The following HPS4 variants were observed in gnomAD, a reference collection of about 807,000 sequenced individuals.
The protein encoded by HPS4 is BLOC-3 complex member HPS4.
Under a neutral mutation model 70.3 loss-of-function variants are expected in HPS4, and 44 were observed. The ratio of observed to expected loss-of-function variants is 0.63; its 90% CI spans 0.49 to 0.80. The LOEUF is 0.80. HPS4 is among the 30% of genes least tolerant of loss of function. The probability of loss-of-function intolerance (pLI) is 0.00; values close to 1 mark genes in which losing one functional copy is unlikely to be tolerated. For synonymous variants in HPS4, 377 were observed against 355.9 expected (o/e 1.06, Z -0.67); for missense variants, 873 against 884.4 (o/e 0.99, Z 0.16).
rs112760297 is a variant in HPS4 at position 26,464,940 on chromosome 22, A to C, written c.804-114T>G. 2.0e-4 allele frequency: 196 copies of C among 968,654 alleles called. 1 individual carries two copies. The African/African-American group carries it at 2.9e-3, about 14-fold the overall frequency. The allele number at this position is 968,654 out of a possible 1,614,324, so 60.0% of individuals were successfully genotyped here. The stretch of plus-strand genomic sequence containing the variant: ...CAAGGACAAGGGGGTGCCTGAGGCC[A>C]CAGAGCCTAAGAGGCCACCAGAGTT... On this transcript the variant is annotated intron_variant, in intron 10 of 13. Transcript: ENST00000398145.
At chr22:26,445,190 T>C (rs531311107) in intron 3 of HPS4, among the ~76,000 whole-genome samples, 168 of 152,262 alleles carry the variant, frequency 1.1e-3, no homozygotes, top group Non-Finnish European at 1.8e-3. Flanking sequence ...ACAAACTAGC[T>C]GAGTGTGGTG....
At position 26,463,997 on chromosome 22, in the gene HPS4, T is replaced by A; in HGVS notation, c.1633A>T (p.Thr545Ser). Reference sequence around the variant, plus strand: ...AGCACCAGCCCTTTGACGCAGTGAGTGTAGAGATTCATCCTCACGAGCCCC... The same window carrying A: ...AGCACCAGCCCTTTGACGCAGTGAGAGTAGAGATTCATCCTCACGAGCCCC... ...CMGLVRMNLY[T>S]HCVKGLVLSL... Residue 545 changes from threonine to serine, a missense_variant, in exon 11 of 14, where the codon ACT becomes TCT. Physicochemically the swap from Thr to Ser is moderately conservative, Grantham distance 58 (BLOSUM62 1). Transcript: ENST00000398145. The A allele has an allele frequency of 6.2e-7, 1 of 1,614,172 alleles. No individual in the cohort carries two copies. Among genetic ancestry groups the A allele is most frequent in the Non-Finnish European group, 8.5e-7 (1 of 1,180,034 alleles).
Position 26,466,209 on chromosome 22 carries a change from T to G in HPS4, c.706+17A>C. The G allele has an allele frequency of 6.2e-7, 1 of 1,614,144 alleles. No homozygotes were observed. The highest frequency in any genetic ancestry group is 8.5e-7 in the Non-Finnish European group (1 of 1,179,972). ...GACCGCCGTTCTCAAGAGGCAACCA[T>G]GCGCCTCACTACTTACCATGTTCCT... On this transcript the variant is annotated intron_variant, in intron 9 of 13. Transcript: ENST00000398145.
At chr22:26,476,555 C>A in intron 4 of HPS4, 1 of 184,110 alleles carries the variant, frequency 5.4e-6, no homozygotes, top group Non-Finnish European at 1.1e-5. Context: ...ACTATGTTGC[C>A]CAGGCTGATA....
At chr22:26,462,380 G>C (rs2087481188) in intron 11 of HPS4, among the ~76,000 whole-genome samples, 1 of 152,224 alleles carries the variant, frequency 6.6e-6, no homozygotes, top group South Asian at 2.1e-4. Context: ...TGGGGGGACA[G>C]AGAGGCTGGG....
chr22:26,449,722 T>A (rs2085078758), downstream of HPS4, among the ~76,000 whole-genome samples: 1 of 152,134 alleles, frequency 6.6e-6, no homozygotes, highest in Non-Finnish European at 1.5e-5. Context: ...GCTCTGTGGC[T>A]CGGCGCTACT....
chr22:26,452,204 AACAAT>A lies in HPS4; in HGVS notation c.*1024_*1028del, dbSNP rs886057313. ...ATCAGTTCACTGACATGAAATTATT[AACAAT>A]ACAACTCTCAAATGGAATCTCAAGT... On this transcript the variant is annotated 3_prime_UTR_variant, in exon 14 of 14. Transcript: ENST00000398145. The A allele has an allele frequency of 6.9e-5, 23 of 334,546 alleles. No individual in the cohort carries two copies. The highest frequency in any genetic ancestry group is 4.5e-4 in the Middle Eastern group (1 of 2,246). 20.7% of individuals were successfully genotyped at this position (334,546 alleles called of 1,614,324 possible).
chr22:26,467,355 C>T (rs2088851634), intron 8 of HPS4: 1 of 152,196 alleles, frequency 6.6e-6, no homozygotes, highest in Non-Finnish European at 1.5e-5. Context: ...CCAAATAAAA[C>T]TTCATTTGTA....
chr22:26,469,500 C>A, intron 7 of HPS4, among the ~76,000 whole-genome samples: 1 of 151,298 alleles, frequency 6.6e-6, no homozygotes, highest in South Asian at 2.1e-4. Flanking sequence ...TTAAATTGTG[C>A]TCTGTGTGTT....
chr22:26,467,617 G>A (rs1200450759), intron 8 of HPS4: 2 of 152,228 alleles, frequency 1.3e-5, no homozygotes, highest in African/African-American at 4.8e-5. Context: ...TAGCCACAGT[G>A]GCTGAGGAGG....
chr22:26,444,894 C>CT (rs2084901767), intron 3 of HPS4: 1 of 152,224 alleles, frequency 6.6e-6, no homozygotes, highest in Non-Finnish European at 1.5e-5. Context: ...GATTTCTACA[C>CT]ATCGTGACTG....
intron 11 of HPS4, among the ~76,000 whole-genome samples, chr22:26,463,342 G>T (rs2087709120): frequency 6.6e-6 from 1 of 152,168 alleles, no homozygotes; most frequent in Non-Finnish European, 1.5e-5. Context: ...TGGGTTTCTA[G>T]GGAACTCCCA....
chr22:26,457,872 C>G lies in HPS4; in HGVS notation c.1942G>C (p.Glu648Gln). Residue 648 changes from glutamate to glutamine, a missense_variant, in exon 13 of 14, where the codon GAA (glutamate) becomes CAA (glutamine). Physicochemically the swap from Glu to Gln is conservative, Grantham distance 29. Coordinates refer to ENST00000398145, the MANE Select transcript of HPS4 (RefSeq NM_022081.6). ...SEFAQLPALY[E>Q]MTVRNASTAV... ...AGGGAGGCTCACCTGACAGTCATTT[C>G]ATAAAGCGCGGGCAGCTGGGCAAAT... is the stretch of plus-strand genomic sequence containing the variant. 5 of 1,614,138 alleles carry G rather than the reference C, an allele frequency of 3.1e-6. No individual in the cohort carries two copies. The highest frequency in any genetic ancestry group is 3.4e-6 in the Non-Finnish European group (4 of 1,179,952).
At chr22:26,453,808 G>A in intron 13 of HPS4, 1 of 295,398 alleles carries the variant, frequency 3.4e-6, no homozygotes, top group South Asian at 3.1e-5. Flanking sequence ...CACAGACAAG[G>A]ACCCTGAGGC....
chr22:26,472,986 G>A (rs1240919988), intron 4 of HPS4, 47 bp from the exon 5 acceptor site: 1 of 1,549,678 alleles, frequency 6.5e-7, no homozygotes, highest in Non-Finnish European at 8.9e-7. Flanking sequence ...TTCTCTTTGA[G>A]TCCAAGCCCA....
At chr22:26,454,678 C>G (rs1436671253) in intron 13 of HPS4, among the ~76,000 whole-genome samples, 3 of 152,178 alleles carry the variant, frequency 2.0e-5, no homozygotes, top group Non-Finnish European at 4.4e-5. Flanking sequence ...TGGCCAAGGA[C>G]TTCACATCTA....
chr22:26,468,148 C>T (rs1009379770), intron 8 of HPS4: 1 of 248,450 alleles, frequency 4.0e-6, no homozygotes, highest in African/African-American at 2.3e-5. Flanking sequence ...AGTGATCTGC[C>T]CACCTCAGCC....
In HPS4 at chr22:26,471,844, A is replaced by T. The variant is rs559184431; in HGVS notation, c.501+458T>A. ...GCAGCCTAGGTTTCACTGAGTGCCA[A>T]CCGCAAACGGAGCGGCTCAGAGATA... On this transcript the variant is annotated intron_variant, in intron 6 of 13. Transcript: ENST00000398145. Among the ~76,000 whole-genome samples, 5 of 152,326 alleles carry T rather than the reference A, an allele frequency of 3.3e-5. No individual in the cohort carries two copies. The East Asian group carries it at 9.6e-4, about 29-fold the overall frequency.
intron 4 of HPS4, among the ~76,000 whole-genome samples, chr22:26,474,428 T>G (rs760212283): frequency 6.6e-6 from 1 of 151,456 alleles, no homozygotes; most frequent in African/African-American, 2.4e-5. Context: ...TTCACAAATA[T>G]TAACCCAAAG....
Sources: allele counts gnomAD v4.1 joint callset (sites outside exome capture counted in the v4.1 genomes callset), GRCh38; gene constraint gnomAD v4.1.1; transcripts MANE v1.5; gene names NCBI Gene and HGNC (gene_info 2026-07-23, HGNC 2026-07-21).